ARFGEF2: variants seen among roughly 807,000 people sequenced by gnomAD.
The protein encoded by ARFGEF2 is ARF guanine nucleotide exchange factor 2.
ARFGEF2 carries 74 observed loss-of-function variants against 219.9 expected under a neutral mutation model. The ratio of observed to expected loss-of-function variants is 0.34; its 90% CI spans 0.28 to 0.41. The LOEUF is 0.41. ARFGEF2 is among the 10% of genes least tolerant of loss of function. ARFGEF2 has a pLI of 1.00. For synonymous variants in ARFGEF2, 733 were observed against 799.2 expected (o/e 0.92, Z 1.40); for missense variants, 1,743 against 2,218.3 (o/e 0.79, Z 4.30).
chr20:48,998,310 CTTGT>C, intron 24 of ARFGEF2, 22 bp from the exon 25 acceptor site: 1 of 1,614,126 alleles, frequency 6.2e-7, no homozygotes, highest in Non-Finnish European at 8.5e-7. Flanking sequence ...CGAGGCTTTG[CTTGT>C]GTTGTTGGGT....
In ARFGEF2 at chr20:48,952,808, T is replaced by G; in HGVS notation, c.527T>G (p.Leu176Arg). Residue 176 changes from leucine (L) to arginine (R), a missense_variant, in exon 5 of 39, where the codon CTC becomes CGC. This residue lies in a region of ARFGEF2 where 394 missense variants were observed against 426.6 expected (regional missense o/e 0.92). Transcript: ENST00000371917. Reference sequence around the variant, plus strand: ...AATATCTATTTGGCCAGCAAAAATCTCATCAATCAAACCACTGCCAAGGCT... The same window carrying G: ...AATATCTATTTGGCCAGCAAAAATCGCATCAATCAAACCACTGCCAAGGCT... Reference protein sequence around the residue: ...CYNIYLASKNLINQTTAKATL... With the variant: ...CYNIYLASKNRINQTTAKATL... 1 of 1,614,212 alleles carries G rather than the reference T, an allele frequency of 6.2e-7. No individual in the cohort carries two copies. The highest frequency in any genetic ancestry group is 8.5e-7 in the Non-Finnish European group (1 of 1,180,042).
intron 14 of ARFGEF2, among the ~76,000 whole-genome samples, chr20:48,982,728 G>A (rs1261565590): frequency 6.6e-6 from 1 of 152,174 alleles, no homozygotes. Context: ...CTGCCAGGCT[G>A]CTGCCTCACA....
At chr20:48,927,233 A>G (rs1204639957) in intron 1 of ARFGEF2, among the ~76,000 whole-genome samples, 1 of 152,206 alleles carries the variant, frequency 6.6e-6, no homozygotes, top group Non-Finnish European at 1.5e-5. Context: ...TGTAAGACAT[A>G]CAAATGGGCA....
rs959919164 is a variant in ARFGEF2 at position 48,995,835 on chromosome 20, A to G, written c.3174A>G (p.Glu1058=). 3 of 1,614,064 alleles carry G rather than the reference A, an allele frequency of 1.9e-6. No individual in the cohort carries two copies. The highest frequency in any genetic ancestry group is 1.7e-5 in the Admixed American group (1 of 60,002). ...AAAGACAGATGGCCAGCTTCCAAGA[A>G]TCGGTTGGTGAGACCAGCTCGCAGA... ...VDKRQMASFQ[E]SVGETSSQSV... The change falls in exon 23 of 39, where the codon GAA becomes GAG. Residue 1058 remains glutamate, a synonymous_variant. Coordinates refer to ENST00000371917, the MANE Select transcript of ARFGEF2 (RefSeq NM_006420.3).
intron 23 of ARFGEF2, 55 bp from the exon 24 acceptor site, chr20:48,998,138 G>T: frequency 6.4e-7 from 1 of 1,561,508 alleles, no homozygotes; most frequent in East Asian, 2.2e-5. Context: ...GAGATTACAG[G>T]TGTGAGCCAC....
At chr20:48,936,781 C>T (rs888059178) in intron 1 of ARFGEF2, among the ~76,000 whole-genome samples, 10 of 152,174 alleles carry the variant, frequency 6.6e-5, no homozygotes, top group African/African-American at 1.7e-4. Context: ...CCTGCCTGGG[C>T]CTCCCAAAGT....
intron 30 of ARFGEF2, among the ~76,000 whole-genome samples, chr20:49,015,306 A>T (rs2091523023): frequency 6.6e-6 from 1 of 151,948 alleles, no homozygotes; most frequent in South Asian, 2.1e-4. Flanking sequence ...TAGAGACAAG[A>T]TCTCACCATG....
chr20:48,970,873 T>A (rs186681467), intron 9 of ARFGEF2, among the ~76,000 whole-genome samples: 7 of 152,288 alleles, frequency 4.6e-5, no homozygotes, highest in Non-Finnish European at 8.8e-5. Context: ...GTTGACACTT[T>A]GCTCCTGCTG....
intron 1 of ARFGEF2, among the ~76,000 whole-genome samples, chr20:48,925,714 G>A (rs1032304540): frequency 1.1e-4 from 16 of 152,092 alleles, no homozygotes; most frequent in Admixed American, 1.3e-4. Context: ...GTGCATGCCT[G>A]TAGTCCCGGC....
chr20:48,938,381 G>T (rs1362119755), intron 1 of ARFGEF2, among the ~76,000 whole-genome samples: 9 of 152,290 alleles, frequency 5.9e-5, no homozygotes, highest in Non-Finnish European at 1.3e-4. Context: ...CAAACCGGTA[G>T]CCTCAGGGCT....
intron 3 of ARFGEF2, among the ~76,000 whole-genome samples, chr20:48,942,216 G>T (rs1411806454): frequency 6.6e-6 from 1 of 152,138 alleles, no homozygotes; most frequent in Non-Finnish European, 1.5e-5. Context: ...TATCTTATTT[G>T]TTCATGTCTT....
intron 1 of ARFGEF2, among the ~76,000 whole-genome samples, chr20:48,926,393 TG>T (rs1162584270): frequency 6.6e-6 from 1 of 152,164 alleles, no homozygotes; most frequent in African/African-American, 2.4e-5. Context: ...TAGGGGCTAA[TG>T]GAAAGAAGGA....
intron 14 of ARFGEF2, among the ~76,000 whole-genome samples, chr20:48,981,988 C>T (rs896196284): frequency 6.6e-6 from 1 of 152,162 alleles, no homozygotes; most frequent in Non-Finnish European, 1.5e-5. Context: ...CTTCTGTCAG[C>T]TTGTCAAAGT....
chr20:48,935,320 A>T (rs1195275598), intron 1 of ARFGEF2, among the ~76,000 whole-genome samples: 1 of 152,168 alleles, frequency 6.6e-6, no homozygotes, highest in African/African-American at 2.4e-5. Context: ...GCCTTCAAGC[A>T]TCTGTTTAAC....
At chr20:48,955,707 A>T (rs2091101448) in intron 6 of ARFGEF2, among the ~76,000 whole-genome samples, 1 of 152,234 alleles carries the variant, frequency 6.6e-6, no homozygotes, top group South Asian at 2.1e-4. Context: ...CATGGGAATC[A>T]GATTGCCTGG....
At position 48,953,468 on chromosome 20, in the gene ARFGEF2, G is replaced by A. The variant is rs186218652; in HGVS notation, c.604-88G>A. The A allele has an allele frequency of 7.5e-5, 95 of 1,259,936 alleles. No homozygotes were observed. The African/African-American group carries it at 1.3e-3, about 17-fold the overall frequency. 78.0% of individuals were successfully genotyped at this position (1,259,936 alleles called of 1,614,324 possible). A position where few individuals can be genotyped will look rare whatever the true frequency, so the allele number is the denominator to read the frequency against. ...TGAAATTATAGGCGTTAACCACCGC[G>A]CCCAGCCCAGGAAATTTTTTAAGTA... On this transcript the variant is annotated intron_variant, in intron 5 of 38. Coordinates refer to ENST00000371917, the MANE Select transcript of ARFGEF2 (RefSeq NM_006420.3).
chr20:48,981,419 T>G (rs1175433666), intron 14 of ARFGEF2, among the ~76,000 whole-genome samples: 1 of 152,228 alleles, frequency 6.6e-6, no homozygotes, highest in Non-Finnish European at 1.5e-5. Context: ...TAACATTTTT[T>G]CCTTCATTTC....
At chr20:48,967,825 C>G (rs2091197744) in intron 8 of ARFGEF2, among the ~76,000 whole-genome samples, 1 of 152,158 alleles carries the variant, frequency 6.6e-6, no homozygotes, top group African/African-American at 2.4e-5. Flanking sequence ...AAAGCTCCTA[C>G]TCTAATGATG....
In ARFGEF2 at chr20:48,941,953, C is replaced by T. The variant is rs2090995560; in HGVS notation, c.242C>T (p.Pro81Leu). 6.2e-7 allele frequency: 1 copy of T among 1,614,046 alleles called. No homozygotes were observed. Among genetic ancestry groups the T allele is most frequent in the Non-Finnish European group, 8.5e-7 (1 of 1,180,036 alleles). ...PFELACQSKS[P>L]RVVSTSLDCL... ...GAGCTAGCTTGCCAGTCCAAGTCCC[C>T]AAGGGTAGTCAGCACATCCCTTGAC... Residue 81 changes from proline to leucine, a missense_variant, in exon 3 of 39, where the codon CCA becomes CTA. Pro to Leu is a moderately conservative substitution (Grantham distance 98). This residue lies in a region of ARFGEF2 where 394 missense variants were observed against 426.6 expected (regional missense o/e 0.92). Transcript: ENST00000371917.
Sources: gnomAD v4.1 joint callset for allele counts (sites outside exome capture counted in the v4.1 genomes callset) on GRCh38, gnomAD v4.1.1 for gene constraint, gnomAD v4.1.1 regional missense constraint, MANE v1.5 for transcripts, NCBI Gene and HGNC (gene_info 2026-07-23, HGNC 2026-07-21) for gene names.